Variants in TRIM15 observed in about 807,000 individuals in gnomAD.
TRIM15 encodes the protein E3 ubiquitin-protein ligase TRIM15.
TRIM15 carries 35 observed loss-of-function variants against 35.8 expected under a neutral mutation model. The ratio of observed to expected loss-of-function variants is 0.98; its 90% CI spans 0.75 to 1.30. The LOEUF is 1.30. Ranked by LOEUF, TRIM15 falls within the 50% of genes most tolerant of loss-of-function variation. The probability of loss-of-function intolerance (pLI) is 0.00; values close to 1 mark genes in which losing one functional copy is unlikely to be tolerated. For missense variants in TRIM15, 590 were observed against 593.5 expected (o/e 0.99, Z 0.06); for synonymous variants, 252 against 249.8 (o/e 1.01, Z -0.08).
Position 30,169,253 on chromosome 6 carries a change from A to T in TRIM15, c.721A>T (p.Asn241Tyr). 5 of 1,613,204 alleles carry T rather than the reference A, an allele frequency of 3.1e-6. No individual in the cohort carries two copies. Among genetic ancestry groups the T allele is most frequent in the Non-Finnish European group, 4.2e-6 (5 of 1,180,036 alleles). ...ASELLQDVRV[N>Y]QSRCEMKTFV... The stretch of plus-strand genomic sequence containing the variant: ...CTTTCTTTTGCAGGATGTCAGAGTC[A>T]ACCAGAGCAGGTAGGGCCCACTCCC... Residue 241 changes from asparagine to tyrosine, a missense_variant, in exon 4 of 7, where the codon AAC (asparagine) becomes TAC (tyrosine). Transcript: ENST00000376694.
intron 4 of TRIM15, among the ~76,000 whole-genome samples, chr6:30,170,125 G>C (rs770375930): frequency 7.4e-4 from 112 of 151,588 alleles, no homozygotes; most frequent in Non-Finnish European, 1.5e-3. Flanking sequence ...TTCCCTTCTA[G>C]CCTCTTTTCC....
chr6:30,167,043 TA>T, intron 1 of TRIM15, 132 bp from the exon 2 acceptor site: 1 of 684,950 alleles, frequency 1.5e-6, no homozygotes, highest in Non-Finnish European at 2.5e-6. Context: ...GTGGTCTCTT[TA>T]GGGCAAGGAC....
At chr6:30,167,409 A>G (rs536891661) in intron 2 of TRIM15, 138 bp downstream of exon 2, 1 of 693,500 alleles carries the variant, frequency 1.4e-6, no homozygotes, top group Admixed American at 2.6e-5. Flanking sequence ...TGGCTGCACA[A>G]AGGCATTTGG....
intron 2 of TRIM15, 128 bp downstream of exon 2, chr6:30,167,399 T>G (rs1429710990): frequency 2.7e-6 from 2 of 743,552 alleles, no homozygotes; most frequent in Admixed American, 5.0e-5. Context: ...CACCTTCCTG[T>G]GGCTGCACAA....
At chr6:30,164,521 C>G (rs1417251364) in intron 1 of TRIM15, among the ~76,000 whole-genome samples, 7 of 152,114 alleles carry the variant, frequency 4.6e-5, no homozygotes, top group Admixed American at 4.6e-4. Context: ...GGGAGGGTGG[C>G]AGTAGTCCAG....
At chr6:30,165,857 T>G (rs572611876) in intron 1 of TRIM15, among the ~76,000 whole-genome samples, 24 of 152,386 alleles carry the variant, frequency 1.6e-4, no homozygotes, top group Non-Finnish European at 2.8e-4. Flanking sequence ...TGACCAGTGA[T>G]GATGAGCTTC....
In TRIM15 at chr6:30,170,606, G is replaced by A; in HGVS notation, c.837G>A (p.Arg279=). 6.2e-7 allele frequency: 1 copy of A among 1,613,346 alleles called. No individual in the cohort carries two copies. Among genetic ancestry groups the A allele is most frequent in the Non-Finnish European group, 8.5e-7 (1 of 1,179,556 alleles). ...TACTCACCCTCCCAGAGATGATGAG[G>A]ATGTTCTCAGGTAAAGGGGAAGGCG... ...RKILTLPEMM[R]MFSENLAHHL... is the part of the protein sequence containing the mutation. The change falls in exon 5 of 7, where the codon AGG becomes AGA. Residue 279 remains arginine (R), a synonymous_variant. Coordinates refer to ENST00000376694, the MANE Select transcript of TRIM15 (RefSeq NM_033229.3).
At position 30,172,446 on chromosome 6, in the gene TRIM15, G is replaced by C. The variant is rs768943796; in HGVS notation, c.*97G>C. ...TGCGGCCCGGGGGCTCCCTGTGCCC[G>C]CGTGAGGCGAGAGAACAGGGGACTT... is the stretch of plus-strand genomic sequence containing the variant. On this transcript the variant is annotated 3_prime_UTR_variant, in exon 7 of 7. Transcript: ENST00000376694. 66 of 1,488,018 alleles carry C rather than the reference G, an allele frequency of 4.4e-5. No individual in the cohort carries two copies. The Middle Eastern group carries it at 1.8e-3, about 41-fold the overall frequency. The allele number at this position is 1,488,018 out of a possible 1,614,324, so 92.2% of individuals were successfully genotyped here. A position where few individuals can be genotyped will look rare whatever the true frequency, so the allele number is the denominator to read the frequency against.
chr6:30,167,245 GA>G lies in TRIM15; in HGVS notation c.453del (p.Asp152ThrfsTer8), dbSNP rs1314312941. On this transcript the variant is annotated frameshift_variant, in exon 2 of 7. Transcript: ENST00000376694. LOFTEE classifies it high-confidence loss of function. ...TGAGATTGAGGATGTAAAGTGTCAA[GA>G]AGACCAGAAGCTTCAAGTGCTGCTG... is the stretch of plus-strand genomic sequence containing the variant. ...RDEIEDVKCQ[E>X]DQKLQVLLTQ... 2 of 1,613,096 alleles carry G rather than the reference GA, an allele frequency of 1.2e-6. No homozygotes were observed. Among genetic ancestry groups the G allele is most frequent in the Admixed American group, 3.3e-5 (2 of 60,030 alleles).
intron 1 of TRIM15, among the ~76,000 whole-genome samples, chr6:30,164,872 C>G (rs1023306168): frequency 6.6e-6 from 1 of 152,092 alleles, no homozygotes; most frequent in Admixed American, 6.6e-5. Flanking sequence ...CATTCAAGGC[C>G]CTTTGCAGTC....
Position 30,172,061 on chromosome 6 carries a change from G to C in TRIM15, c.1110G>C (p.Glu370Asp), listed in dbSNP as rs191507786. 440 of 1,570,828 alleles carry C rather than the reference G, an allele frequency of 2.8e-4. 1 individual carries two copies. In the African/African-American group the frequency reaches 4.6e-3, roughly 16 times the overall value. ...GGGCTVGVAG[E>D]GVRRKGEMGL... The stretch of plus-strand genomic sequence containing the variant: ...GCTGCACGGTGGGGGTGGCCGGGGA[G>C]GGGGTGAGGAGGAAGGGAGAGATGG... The change falls in exon 7 of 7, where the codon GAG (glutamate) becomes GAC (aspartate). Residue 370 changes from glutamate (E) to aspartate (D), a missense_variant. Coordinates refer to ENST00000376694, the MANE Select transcript of TRIM15 (RefSeq NM_033229.3).
At chr6:30,169,578 A>G (rs1348783909) in intron 4 of TRIM15, 11 of 621,370 alleles carry the variant, frequency 1.8e-5, no homozygotes, top group Non-Finnish European at 2.9e-5. Context: ...TTGAGTCAGT[A>G]TCTAACACCA....
Position 30,172,428 on chromosome 6 carries a change from CG to C in TRIM15, c.*84del. On this transcript the variant is annotated 3_prime_UTR_variant, in exon 7 of 7. Coordinates refer to ENST00000376694, the MANE Select transcript of TRIM15 (RefSeq NM_033229.3). ...CTCCGCCCCTGGCCAGTGTGCGGCC[CG>C]GGGGCTCCCTGTGCCCGCGTGAGGC... is the stretch of plus-strand genomic sequence containing the variant. 3.3e-6 allele frequency: 5 copies of C among 1,517,872 alleles called. No homozygotes were observed. The highest frequency in any genetic ancestry group is 2.6e-6 in the Non-Finnish European group (3 of 1,137,684). The allele number at this position is 1,517,872 out of a possible 1,614,324, so 94.0% of individuals were successfully genotyped here. A position where few individuals can be genotyped will look rare whatever the true frequency, so the allele number is the denominator to read the frequency against.
In TRIM15 at chr6:30,172,009, T is replaced by C. The variant is rs1052286339; in HGVS notation, c.1058T>C (p.Val353Ala). 23 of 1,577,334 alleles carry C rather than the reference T, an allele frequency of 1.5e-5. No individual in the cohort carries two copies. Among genetic ancestry groups the C allele is most frequent in the Non-Finnish European group, 1.8e-5 (21 of 1,161,046 alleles). Residue 353 changes from valine (V) to alanine (A), a missense_variant, in exon 7 of 7, where the codon GTT (valine) becomes GCT (alanine). Coordinates refer to ENST00000376694, the MANE Select transcript of TRIM15 (RefSeq NM_033229.3). ...GFSSGRHRWQ[V>A]DLQLGDGGGC... Reference sequence around the variant, plus strand: ...TCCTCCGGGCGCCACCGCTGGCAGGTTGACCTGCAGCTGGGCGACGGCGGC... The same window carrying C: ...TCCTCCGGGCGCCACCGCTGGCAGGCTGACCTGCAGCTGGGCGACGGCGGC...
In TRIM15 at chr6:30,163,701, C is replaced by G. The variant is rs537827491; in HGVS notation, c.17C>G (p.Ser6Cys). MPATP[S>C]LKVVHELPAC... is the part of the protein sequence containing the mutation. Reference sequence around the variant, plus strand: ...GGCACCGTGATGCCCGCAACCCCGTCCCTGAAGGTGGTCCATGAGCTGCCT... The same window carrying G: ...GGCACCGTGATGCCCGCAACCCCGTGCCTGAAGGTGGTCCATGAGCTGCCT... Residue 6 changes from serine to cysteine, a missense_variant, in exon 1 of 7, where the codon TCC becomes TGC. Ser to Cys is a moderately radical substitution (Grantham distance 112). Coordinates refer to ENST00000376694, the MANE Select transcript of TRIM15 (RefSeq NM_033229.3). The G allele has an allele frequency of 1.9e-6, 3 of 1,609,814 alleles. No individual in the cohort carries two copies. Among genetic ancestry groups the G allele is most frequent in the South Asian group, 2.2e-5 (2 of 90,748 alleles).
At position 30,167,273 on chromosome 6, in the gene TRIM15, T is replaced by G; in HGVS notation, c.477+2T>G. 6.2e-7 allele frequency: 1 copy of G among 1,611,600 alleles called. No individual in the cohort carries two copies. The highest frequency in any genetic ancestry group is 8.5e-7 in the Non-Finnish European group (1 of 1,178,678). ...GACCAGAAGCTTCAAGTGCTGCTGG[T>G]ACAGGCCACGTCACTGGCTACCTTT... On this transcript the variant is annotated splice_donor_variant, in intron 2 of 6. Coordinates refer to ENST00000376694, the MANE Select transcript of TRIM15 (RefSeq NM_033229.3). LOFTEE classifies it high-confidence loss of function.
In TRIM15 at chr6:30,172,676, GT is replaced by G. The variant is rs774813386; in HGVS notation, c.*330del. Reference sequence around the variant, plus strand: ...AAGAAAAAGACATCTAAAATAAAATGTTTAAACTGTTTCAAAATAATTATCT... The same window carrying G: ...AAGAAAAAGACATCTAAAATAAAATGTTAAACTGTTTCAAAATAATTATCT... On this transcript the variant is annotated 3_prime_UTR_variant, in exon 7 of 7. Coordinates refer to ENST00000376694, the MANE Select transcript of TRIM15 (RefSeq NM_033229.3). 3.2e-4 allele frequency: 172 copies of G among 534,286 alleles called. 15 individuals are homozygous for G. Among genetic ancestry groups the G allele is most frequent in the East Asian group, 1.4e-3 (37 of 26,400 alleles). 33.1% of individuals were successfully genotyped at this position (534,286 alleles called of 1,614,324 possible). A position where few individuals can be genotyped will look rare whatever the true frequency, so the allele number is the denominator to read the frequency against.
At position 30,170,519 on chromosome 6, in the gene TRIM15, TG is replaced by T; in HGVS notation, c.751del (p.Val251Ter). ...TCTGCAGGTGTGAGATGAAGACTTT[TG>T]TGAGTCCTGAGGCCATTTCTCCTGA... ...NQSRCEMKTF[V>X]SPEAISPDLV... On this transcript the variant is annotated frameshift_variant, in exon 5 of 7. Transcript: ENST00000376694. LOFTEE classifies it high-confidence loss of function. The T allele has an allele frequency of 6.2e-7, 1 of 1,614,004 alleles. No homozygotes were observed. The highest frequency in any genetic ancestry group is 1.1e-5 in the South Asian group (1 of 91,046).
chr6:30,170,595 G>C lies in TRIM15; in HGVS notation c.826G>C (p.Glu276Gln). 6.2e-7 allele frequency: 1 copy of C among 1,613,958 alleles called. No individual in the cohort carries two copies. Among genetic ancestry groups the C allele is most frequent in the South Asian group, 1.1e-5 (1 of 91,070 alleles). ...DFHRKILTLP[E>Q]MMRMFSENLA... Reference sequence around the variant, plus strand: ...CCACAGGAAAATACTCACCCTCCCAGAGATGATGAGGATGTTCTCAGGTAA... The same window carrying C: ...CCACAGGAAAATACTCACCCTCCCACAGATGATGAGGATGTTCTCAGGTAA... The change falls in exon 5 of 7, where the codon GAG becomes CAG. Residue 276 changes from glutamate to glutamine, a missense_variant. Coordinates refer to ENST00000376694, the MANE Select transcript of TRIM15 (RefSeq NM_033229.3).
Sources: allele counts gnomAD v4.1 joint callset (sites outside exome capture counted in the v4.1 genomes callset), GRCh38; gene constraint gnomAD v4.1.1; transcripts MANE v1.5; gene names NCBI Gene and HGNC (gene_info 2026-07-23, HGNC 2026-07-21).